LYPD1: variants seen among roughly 807,000 people sequenced by gnomAD.
LYPD1 encodes ly6/PLAUR domain-containing protein 1.
Under a neutral mutation model 14.2 loss-of-function variants are expected in LYPD1, and 14 were observed. That is an observed-to-expected ratio of 0.99 (90% confidence interval 0.65 to 1.54). The LOEUF is 1.54. Among genes scored for constraint, LYPD1 ranks in the 40% most tolerant of loss-of-function variants. The probability of loss-of-function intolerance (pLI) is 0.00; values close to 1 mark genes in which losing one functional copy is unlikely to be tolerated. For synonymous variants in LYPD1, 85 were observed against 70.6 expected, an observed-to-expected ratio of 1.20 and a Z score of -1.02; for missense variants, 165 against 175.7, an observed-to-expected ratio of 0.94 and a Z score of 0.34.
At chr2:132,653,621 C>T (rs542870232) in intron 2 of LYPD1, among the ~76,000 whole-genome samples, 4 of 152,230 alleles carry the variant, frequency 2.6e-5, no homozygotes, top group Admixed American at 2.0e-4. Context: ...GGAGGAGAAA[C>T]AGTGTATTTA....
In LYPD1 at chr2:132,669,408, C is replaced by T. The variant is rs1022417318; in HGVS notation, c.52+473G>A. Among the ~76,000 whole-genome samples the T allele has an allele frequency of 6.6e-6, 1 of 152,104 alleles. No individual in the cohort carries two copies. Among genetic ancestry groups the T allele is most frequent in the Non-Finnish European group, 1.5e-5 (1 of 68,010 alleles). On this transcript the variant is annotated intron_variant, in intron 1 of 2. Coordinates refer to ENST00000397463, the MANE Select transcript of LYPD1 (RefSeq NM_144586.7). The surrounding 1 kb of genome is among the most constrained non-coding windows in gnomAD (Gnocchi z 4.3). ...CGCGCTCCTGTCTAGACCCAACTAC[C>T]CACGCTCCCGCAGCCCCACATCTAT... is the stretch of plus-strand genomic sequence containing the variant.
In LYPD1 at chr2:132,645,448, G is replaced by A. The variant is rs757457244; in HGVS notation, c.*597C>T. The A allele has an allele frequency of 2.5e-6, 4 of 1,613,616 alleles. No individual in the cohort carries two copies. The African/African-American group carries it at 4.0e-5, about 16-fold the overall frequency. Reference sequence around the variant, plus strand: ...CTTCGCGTCCCGGCGCCAGTCCTCTGCAAGGAGAACTGAGAAGATTTTCTT... The same window carrying A: ...CTTCGCGTCCCGGCGCCAGTCCTCTACAAGGAGAACTGAGAAGATTTTCTT... On this transcript the variant is annotated 3_prime_UTR_variant, in exon 3 of 3. Transcript: ENST00000397463.
intron 2 of LYPD1, 123 bp downstream of exon 2, chr2:132,668,277 T>G: frequency 8.0e-7 from 1 of 1,249,068 alleles, no homozygotes; most frequent in Non-Finnish European, 1.1e-6. Context: ...AAACTAAATC[T>G]GCGATAACCA....
In LYPD1 at chr2:132,645,011, G is replaced by A. The variant is rs1452754762; in HGVS notation, c.*1034C>T. The A allele has an allele frequency of 2.8e-6, 4 of 1,439,954 alleles. No individual in the cohort carries two copies. The highest frequency in any genetic ancestry group is 1.4e-5 in the South Asian group (1 of 72,996). 89.2% of individuals were successfully genotyped at this position (1,439,954 alleles called of 1,614,324 possible). A position where few individuals can be genotyped will look rare whatever the true frequency, so the allele number is the denominator to read the frequency against. ...TGGCCAGTAAGCACAGAACAGAGGG[G>A]CTAAATATTTTATGGTTTTATTCAT... is the stretch of plus-strand genomic sequence containing the variant. On this transcript the variant is annotated 3_prime_UTR_variant, in exon 3 of 3. Coordinates refer to ENST00000397463, the MANE Select transcript of LYPD1 (RefSeq NM_144586.7).
intron 2 of LYPD1, among the ~76,000 whole-genome samples, chr2:132,660,025 G>A (rs1178285553): frequency 2.6e-5 from 4 of 152,212 alleles, no homozygotes; most frequent in African/African-American, 9.6e-5. Context: ...TATTCAACCC[G>A]TGTGCAGTAT....
chr2:132,668,357 A>G (rs1683405132), intron 2 of LYPD1, 43 bp downstream of exon 2: 2 of 1,555,710 alleles, frequency 1.3e-6, no homozygotes, highest in Admixed American at 3.9e-5. Flanking sequence ...CCCACCCCAC[A>G]GCCCAGGCTT....
intron 2 of LYPD1, among the ~76,000 whole-genome samples, chr2:132,657,301 G>A (rs1043819728): frequency 2.2e-4 from 33 of 152,180 alleles, no homozygotes; most frequent in Admixed American, 7.2e-4. Flanking sequence ...CCCTTAGCTG[G>A]TGTCTTTGTT....
At position 132,668,518 on chromosome 2, in the gene LYPD1, C is replaced by G; in HGVS notation, c.72G>C (p.Gln24His). Residue 24 changes from glutamine to histidine, a missense_variant, in exon 2 of 3, where the codon CAG (glutamine) becomes CAC (histidine). Gln to His is a conservative substitution (Grantham distance 24). Coordinates refer to ENST00000397463, the MANE Select transcript of LYPD1 (RefSeq NM_144586.7). ...FLLPGFALQIQCYQCEEFQLN... is the reference protein window; with the variant it reads ...FLLPGFALQIHCYQCEEFQLN... ...GCTGGAATTCTTCACACTGGTAGCA[C>G]TGGATTTGCAGCGCAAAGCCTGCGA... 6.2e-7 allele frequency: 1 copy of G among 1,612,446 alleles called. No homozygotes were observed. The highest frequency in any genetic ancestry group is 8.5e-7 in the Non-Finnish European group (1 of 1,179,362).
intron 2 of LYPD1, among the ~76,000 whole-genome samples, chr2:132,652,756 C>CT (rs1682406447): frequency 6.6e-6 from 1 of 152,348 alleles, no homozygotes; most frequent in East Asian, 1.9e-4. Flanking sequence ...CTTTAATCCT[C>CT]TTTAAGTCTT....
rs1681977825 is a variant in LYPD1, at chr2:132,645,052, G to A, written c.*993C>T. 2 of 1,565,718 alleles carry A rather than the reference G, an allele frequency of 1.3e-6. No individual in the cohort carries two copies. Among genetic ancestry groups the A allele is most frequent in the South Asian group, 1.2e-5 (1 of 82,804 alleles). On this transcript the variant is annotated 3_prime_UTR_variant, in exon 3 of 3. Transcript: ENST00000397463. ...TTTTATTCATTTACTGTGTTCTCATGCTGTGTTTTTCTTTTCTCTGTCTCT... is the reference window on the plus strand; with the variant it reads ...TTTTATTCATTTACTGTGTTCTCATACTGTGTTTTTCTTTTCTCTGTCTCT...
intron 2 of LYPD1, among the ~76,000 whole-genome samples, chr2:132,665,525 G>A (rs1683215676): frequency 6.6e-6 from 1 of 152,196 alleles, no homozygotes; most frequent in Non-Finnish European, 1.5e-5. Flanking sequence ...AACTTTGCCT[G>A]GACTATCTTT....
In LYPD1 at chr2:132,669,906, A is replaced by T. The variant is rs748863194; in HGVS notation, c.27T>A (p.Thr9=). The T allele has an allele frequency of 3.1e-6, 5 of 1,612,774 alleles. No homozygotes were observed. The highest frequency in any genetic ancestry group is 4.2e-6 in the Non-Finnish European group (5 of 1,179,366). MWVLGIAA[T]FCGLFLLPGF... is the part of the protein sequence containing the mutation. ...CTGGAAGCAAGAACAATCCGCAAAAAGTTGCCGCGATGCCTAGGACCCACA... is the reference window on the plus strand; with the variant it reads ...CTGGAAGCAAGAACAATCCGCAAAATGTTGCCGCGATGCCTAGGACCCACA... The change falls in exon 1 of 3, where the codon ACT becomes ACA. Residue 9 remains threonine (T), a synonymous_variant. Coordinates refer to ENST00000397463, the MANE Select transcript of LYPD1 (RefSeq NM_144586.7). The surrounding 1 kb of genome is among the most constrained non-coding windows in gnomAD (Gnocchi z 4.3).
At chr2:132,654,399 CAAA>C (rs3043653) in intron 2 of LYPD1, among the ~76,000 whole-genome samples, 211 of 138,008 alleles carry the variant, frequency 1.5e-3, no homozygotes, top group East Asian at 3.8e-3. Flanking sequence ...GACCCTGTCT[CAAA>C]AAAAAAAAAA....
In LYPD1 at chr2:132,645,662, C is replaced by T; in HGVS notation, c.*383G>A. 1.9e-6 allele frequency: 3 copies of T among 1,557,026 alleles called. No homozygotes were observed. Among genetic ancestry groups the T allele is most frequent in the Non-Finnish European group, 2.6e-6 (3 of 1,153,726 alleles). ...TGGCCCTCCAGCCCTAAGAAAACGT[C>T]ACTCTCACTCTGCAGTCTCAAACTA... On this transcript the variant is annotated 3_prime_UTR_variant, in exon 3 of 3. Coordinates refer to ENST00000397463, the MANE Select transcript of LYPD1 (RefSeq NM_144586.7).
chr2:132,655,180 T>C (rs1682515005), intron 2 of LYPD1, among the ~76,000 whole-genome samples: 1 of 152,176 alleles, frequency 6.6e-6, no homozygotes, highest in South Asian at 2.1e-4. Flanking sequence ...ACAGGTATTC[T>C]GCCCTGCTTC....
rs1462717227 is a variant in LYPD1, at chr2:132,669,052, TG to T, written c.53-516del. On this transcript the variant is annotated intron_variant, in intron 1 of 2. Transcript: ENST00000397463. This position sits in a 1 kb window ranked among gnomAD's most constrained non-coding sequence, Gnocchi z 4.3. ...CTCTGAGGATCCCTGAGCGACCACC[TG>T]GGAACAACTTGGGTGGAGGTGCCAG... is the stretch of plus-strand genomic sequence containing the variant. Among the ~76,000 whole-genome samples, 1 of 152,216 alleles carries T rather than the reference TG, an allele frequency of 6.6e-6. No individual in the cohort carries two copies. Among genetic ancestry groups the T allele is most frequent in the Non-Finnish European group, 1.5e-5 (1 of 68,040 alleles).
intron 2 of LYPD1, chr2:132,660,607 G>A (rs964456835): frequency 2.0e-5 from 3 of 152,158 alleles, no homozygotes; most frequent in African/African-American, 7.2e-5. Flanking sequence ...TCCATTACAG[G>A]TATGGCCTCT....
intron 2 of LYPD1, among the ~76,000 whole-genome samples, chr2:132,665,847 C>T (rs1355428661): frequency 6.6e-6 from 1 of 152,136 alleles, no homozygotes; most frequent in Non-Finnish European, 1.5e-5. Context: ...AACAAAACTC[C>T]CAGCAAGATT....
At chr2:132,668,687 G>T (rs533262678) in intron 1 of LYPD1, 150 bp from the exon 2 acceptor site, 3 of 1,165,624 alleles carry the variant, frequency 2.6e-6, no homozygotes, top group African/African-American at 3.2e-5. Context: ...GGATGTGGCT[G>T]ACACCGGCAG....
Sources: allele counts gnomAD v4.1 joint callset (sites outside exome capture counted in the v4.1 genomes callset), GRCh38; gene constraint gnomAD v4.1.1; non-coding constraint Gnocchi (gnomAD v3.1); transcripts MANE v1.5; gene names NCBI Gene and HGNC (gene_info 2026-07-23, HGNC 2026-07-21).